The following SLC25A12 variants were observed in gnomAD, a reference collection of about 807,000 sequenced individuals.
The protein encoded by SLC25A12 is solute carrier family 25 member 12.
A neutral mutation model predicts 83.3 loss-of-function variants in SLC25A12; 32 were observed. That is an observed-to-expected ratio of 0.38 (90% CI 0.29 to 0.52). The LOEUF (loss-of-function observed/expected upper bound fraction) is 0.52. SLC25A12 is among the 20% of genes least tolerant of loss of function. The probability of loss-of-function intolerance (pLI) is 0.84; values close to 1 mark genes in which losing one functional copy is unlikely to be tolerated. For synonymous variants in SLC25A12, 267 were observed against 291.1 expected (o/e 0.92, Z 0.84); for missense variants, 611 against 835.6 (o/e 0.73, Z 3.31).
In SLC25A12 at chr2:171,856,032, T is replaced by TATAA. The variant is rs1232711502; in HGVS notation, c.210-84_210-83insTTAT. ...TAATCTGCCTTTACTATATAAACTGTAGCTCAGGGTAACCAAATAATTGAT... is the reference window on the plus strand; with the variant it reads ...TAATCTGCCTTTACTATATAAACTGTATAAAGCTCAGGGTAACCAAATAATTGAT... On this transcript the variant is annotated intron_variant, in intron 3 of 17. Coordinates refer to ENST00000422440, the MANE Select transcript of SLC25A12 (RefSeq NM_003705.5). 5.0e-6 allele frequency: 4 copies of TATAA among 805,828 alleles called. No individual in the cohort carries two copies. In the African/African-American group the frequency reaches 6.7e-5, roughly 14 times the overall value. The allele number at this position is 805,828 out of a possible 1,614,324, so 49.9% of individuals were successfully genotyped here. A position where few individuals can be genotyped will look rare whatever the true frequency, so the allele number is the denominator to read the frequency against.
chr2:171,815,227 A>C, intron 9 of SLC25A12, 25 bp from the exon 10 acceptor site: 1 of 1,544,146 alleles, frequency 6.5e-7, no homozygotes, highest in East Asian at 2.2e-5. Context: ...ACGGGTAAAA[A>C]AAAATCTTGA....
intron 4 of SLC25A12, chr2:171,848,334 A>T (rs1320655133): frequency 2.1e-6 from 1 of 468,540 alleles, no homozygotes; most frequent in Non-Finnish European, 4.4e-6. Context: ...CAGCCCAACG[A>T]CATCCTTATT....
At chr2:171,882,418 G>A (rs1191608997) in intron 2 of SLC25A12, among the ~76,000 whole-genome samples, 6 of 152,194 alleles carry the variant, frequency 3.9e-5, no homozygotes, top group African/African-American at 1.4e-4. Flanking sequence ...ACTTAACCTA[G>A]AAATTGGAGA....
intron 2 of SLC25A12, among the ~76,000 whole-genome samples, chr2:171,880,024 G>A (rs1239311687): frequency 2.0e-5 from 3 of 152,086 alleles, no homozygotes; most frequent in Non-Finnish European, 4.4e-5. Flanking sequence ...TTATGATTTG[G>A]TTAGTTTTTC....
intron 2 of SLC25A12, among the ~76,000 whole-genome samples, chr2:171,870,935 A>C (rs531820539): frequency 6.6e-6 from 1 of 152,194 alleles, no homozygotes; most frequent in South Asian, 2.1e-4. Context: ...GGCCAGGCAC[A>C]GTGGCTCACA....
intron 7 of SLC25A12, chr2:171,834,300 C>T (rs1684509708): frequency 2.1e-6 from 1 of 483,966 alleles, no homozygotes; most frequent in Non-Finnish European, 3.7e-6. Context: ...AAGAATAAAA[C>T]AATCTCTTTA....
At chr2:171,876,049 C>G (rs1422631685) in intron 2 of SLC25A12, among the ~76,000 whole-genome samples, 2 of 152,050 alleles carry the variant, frequency 1.3e-5, no homozygotes, top group African/African-American at 4.8e-5. Context: ...AATAGAGCAG[C>G]CTTAGCACAA....
At chr2:171,801,193 T>A (rs990851103) in intron 13 of SLC25A12, among the ~76,000 whole-genome samples, 2 of 152,244 alleles carry the variant, frequency 1.3e-5, no homozygotes, top group Admixed American at 6.5e-5. Flanking sequence ...TAGTGTCATC[T>A]AGATTTATTT....
In SLC25A12 at chr2:171,837,222, T is replaced by C. The variant is rs1684578858; in HGVS notation, c.511A>G (p.Lys171Glu). The C allele has an allele frequency of 6.2e-7, 1 of 1,614,160 alleles. No individual in the cohort carries two copies. The highest frequency in any genetic ancestry group is 8.5e-7 in the Non-Finnish European group (1 of 1,180,004). Residue 171 changes from lysine to glutamate, a missense_variant, in exon 6 of 18, where the codon AAA (lysine) becomes GAA (glutamate). This residue lies in a region of SLC25A12 where 540 missense variants were observed against 777.5 expected (regional missense o/e 0.69). Coordinates refer to ENST00000422440, the MANE Select transcript of SLC25A12 (RefSeq NM_003705.5). ...CCAGAAATCATGCCACTTTTGCTTT[T>C]GTCTTTGAGTGCAAAGGCTTGTCTT... is the stretch of plus-strand genomic sequence containing the variant. ...HARQAFALKD[K>E]SKSGMISGLD...
chr2:171,800,331 AC>A (rs1683685703), intron 13 of SLC25A12, among the ~76,000 whole-genome samples: 1 of 151,748 alleles, frequency 6.6e-6, no homozygotes, highest in African/African-American at 2.4e-5. Flanking sequence ...CTTCACACAC[AC>A]ACACACACAC....
intron 2 of SLC25A12, among the ~76,000 whole-genome samples, chr2:171,884,833 C>T (rs1685779727): frequency 6.6e-6 from 1 of 151,974 alleles, no homozygotes; most frequent in Admixed American, 6.6e-5. Context: ...TTTGTATTGT[C>T]CCTACCCTCA....
At chr2:171,853,661 A>G (rs1684981865) in intron 4 of SLC25A12, among the ~76,000 whole-genome samples, 1 of 152,124 alleles carries the variant, frequency 6.6e-6, no homozygotes, top group African/African-American at 2.4e-5. Context: ...AGCCTGGGTG[A>G]CAGAGTGAGG....
chr2:171,866,836 C>T (rs1459678797), intron 3 of SLC25A12, among the ~76,000 whole-genome samples: 4 of 146,898 alleles, frequency 2.7e-5, no homozygotes, highest in South Asian at 2.2e-4. Flanking sequence ...CCCTCCCGGA[C>T]GGGGTGGCTG....
At chr2:171,792,801 C>T (rs938147990) in intron 14 of SLC25A12, among the ~76,000 whole-genome samples, 2 of 152,146 alleles carry the variant, frequency 1.3e-5, no homozygotes, top group African/African-American at 4.8e-5. Flanking sequence ...TTGCTGGTCT[C>T]CAGAGAACCC....
intron 2 of SLC25A12, among the ~76,000 whole-genome samples, chr2:171,884,528 G>A (rs1403304420): frequency 6.6e-6 from 1 of 151,696 alleles, no homozygotes; most frequent in Non-Finnish European, 1.5e-5. Flanking sequence ...CCAGCACTTT[G>A]GGAGGCCGAG....
chr2:171,845,185 A>G (rs1684767000), intron 4 of SLC25A12, among the ~76,000 whole-genome samples: 3 of 152,176 alleles, frequency 2.0e-5, no homozygotes, highest in Admixed American at 6.5e-5. Flanking sequence ...AAAGAGCTAA[A>G]TACAGTACAC....
At chr2:171,860,405 C>G (rs1369736074) in intron 3 of SLC25A12, among the ~76,000 whole-genome samples, 3 of 151,884 alleles carry the variant, frequency 2.0e-5, no homozygotes, top group African/African-American at 7.3e-5. Flanking sequence ...TTGAGACCAG[C>G]CTGGCCAACA....
chr2:171,836,310 C>T (rs1250923813), intron 6 of SLC25A12, among the ~76,000 whole-genome samples: 1 of 152,174 alleles, frequency 6.6e-6, no homozygotes, highest in East Asian at 1.9e-4. Context: ...CACTCATTGG[C>T]TTCCCTCCAT....
At chr2:171,884,770 T>C (rs1210796006) in intron 2 of SLC25A12, among the ~76,000 whole-genome samples, 2 of 151,356 alleles carry the variant, frequency 1.3e-5, no homozygotes, top group African/African-American at 4.8e-5. Flanking sequence ...AGCAAAACTC[T>C]GTCCCCCACC....
Sources: gnomAD v4.1 joint callset for allele counts (sites outside exome capture counted in the v4.1 genomes callset) on GRCh38, gnomAD v4.1.1 for gene constraint, gnomAD v4.1.1 regional missense constraint, MANE v1.5 for transcripts, NCBI Gene and HGNC (gene_info 2026-07-23, HGNC 2026-07-21) for gene names.